CNTNAP2: variants seen among roughly 807,000 people sequenced by gnomAD.
The protein encoded by CNTNAP2 is contactin-associated protein-like 2.
Under a neutral mutation model 155.2 loss-of-function variants are expected in CNTNAP2, and 98 were observed. The ratio of observed to expected loss-of-function variants is 0.63; its 90% CI spans 0.54 to 0.75. CNTNAP2 has a LOEUF of 0.75. CNTNAP2 is among the 30% of genes least tolerant of loss of function. CNTNAP2 has a pLI of 0.00. For synonymous variants in CNTNAP2, 651 were observed against 631.2 expected, an observed-to-expected ratio of 1.03 and a Z score of -0.47; for missense variants, 1,727 against 1,688.1, an observed-to-expected ratio of 1.02 and a Z score of -0.40.
At chr7:148,090,521 T>A (rs1803817644) in intron 15 of CNTNAP2, among the ~76,000 whole-genome samples, 1 of 152,020 alleles carries the variant, frequency 6.6e-6, no homozygotes, top group Non-Finnish European at 1.5e-5. Flanking sequence ...ATATCACTAA[T>A]CAGGGAAATG....
chr7:146,614,351 AAACT>A (rs1799188688), intron 1 of CNTNAP2, among the ~76,000 whole-genome samples: 1 of 152,248 alleles, frequency 6.6e-6, no homozygotes, highest in Non-Finnish European at 1.5e-5. Context: ...AAATGTTAGT[AAACT>A]ATCAATTATA....
intron 1 of CNTNAP2, among the ~76,000 whole-genome samples, chr7:146,671,455 A>G (rs918408964): frequency 1.3e-5 from 2 of 149,518 alleles, no homozygotes; most frequent in South Asian, 4.3e-4. Context: ...ACACACACGG[A>G]CACACATATA....
At chr7:148,116,062 C>G (rs1489464241) in intron 15 of CNTNAP2, among the ~76,000 whole-genome samples, 1 of 151,588 alleles carries the variant, frequency 6.6e-6, no homozygotes, top group Non-Finnish European at 1.5e-5. Flanking sequence ...TCGCTTGCAC[C>G]TGGGAGGGGG....
At chr7:147,947,690 G>C (rs1180103090) in intron 14 of CNTNAP2, among the ~76,000 whole-genome samples, 1 of 152,008 alleles carries the variant, frequency 6.6e-6, no homozygotes, top group Admixed American at 6.6e-5. Context: ...GGAAAGAAAA[G>C]AGATCAGAGT....
chr7:146,288,793 A>ATT (rs757136036), intron 1 of CNTNAP2, among the ~76,000 whole-genome samples: 3,018 of 100,044 alleles, frequency 0.03, 436 homozygotes, highest in African/African-American at 0.11. Flanking sequence ...AAAATTAGTA[A>ATT]TTTTTTTTTT....
chr7:148,144,470 T>C (rs1377666839), intron 16 of CNTNAP2, among the ~76,000 whole-genome samples: 1 of 152,146 alleles, frequency 6.6e-6, no homozygotes, highest in Non-Finnish European at 1.5e-5. Flanking sequence ...GTGTTGTGAG[T>C]AAAGAAGTCC....
In CNTNAP2 at chr7:147,118,026, C is replaced by T. The variant is rs540577007; in HGVS notation, c.755-2953C>T. On this transcript the variant is annotated intron_variant, in intron 5 of 23. Transcript: ENST00000361727. The stretch of plus-strand genomic sequence containing the variant: ...TATAAATCATGAATAAGAAATTATA[C>T]CACTGCATAATAATACCAAGACATT... 3.3e-5 allele frequency among the ~76,000 whole-genome samples: 5 copies of T among 152,058 alleles called. No homozygotes were observed. The South Asian group carries it at 1.0e-3, about 32-fold the overall frequency.
At chr7:147,339,161 A>G (rs1439686093) in intron 9 of CNTNAP2, among the ~76,000 whole-genome samples, 1 of 151,344 alleles carries the variant, frequency 6.6e-6, no homozygotes, top group Non-Finnish European at 1.5e-5. Flanking sequence ...AACAATAACT[A>G]TTGCTATTGC....
At chr7:148,370,230 T>G (rs1730392) in intron 21 of CNTNAP2, among the ~76,000 whole-genome samples, 50,196 of 151,984 alleles carry the variant, frequency 0.33, 8,730 homozygotes, top group Non-Finnish European at 0.39. Flanking sequence ...GACATAAAGA[T>G]GCCCATTTCC....
chr7:148,226,709 T>C (rs1018303470), intron 19 of CNTNAP2, among the ~76,000 whole-genome samples: 2 of 152,192 alleles, frequency 1.3e-5, no homozygotes, highest in African/African-American at 4.8e-5. Flanking sequence ...TCCCACGTGC[T>C]CGCAGGCCAC....
At chr7:146,195,219 A>G (rs2116858093) in intron 1 of CNTNAP2, 1 of 152,350 alleles carries the variant, frequency 6.6e-6, no homozygotes, top group South Asian at 2.1e-4. Context: ...ATGCATTTTT[A>G]AGAATGGCTT....
intron 1 of CNTNAP2, among the ~76,000 whole-genome samples, chr7:146,214,681 A>G (rs1219330436): frequency 6.6e-6 from 1 of 152,186 alleles, no homozygotes; most frequent in Non-Finnish European, 1.5e-5. Flanking sequence ...TCTTCAATCT[A>G]TAATGGTTTA....
At chr7:146,672,712 A>T (rs1453566636) in intron 1 of CNTNAP2, among the ~76,000 whole-genome samples, 1 of 152,242 alleles carries the variant, frequency 6.6e-6, no homozygotes, top group African/African-American at 2.4e-5. Context: ...AAATAGGTAC[A>T]ATGCACTGTA....
chr7:148,015,387 C>T (rs1001221812), intron 15 of CNTNAP2, among the ~76,000 whole-genome samples: 2 of 152,160 alleles, frequency 1.3e-5, no homozygotes, highest in African/African-American at 4.8e-5. Flanking sequence ...AAGCAACTCT[C>T]CTGCAGTGAA....
At chr7:148,017,096 A>G (rs1451458148) in intron 15 of CNTNAP2, among the ~76,000 whole-genome samples, 1 of 152,234 alleles carries the variant, frequency 6.6e-6, no homozygotes. Context: ...AAATTACACC[A>G]ACTGCATTAG....
At chr7:147,172,389 A>T (rs180684547) in intron 8 of CNTNAP2, among the ~76,000 whole-genome samples, 23 of 152,308 alleles carry the variant, frequency 1.5e-4, no homozygotes, top group African/African-American at 5.5e-4. Flanking sequence ...ATTATGGAAT[A>T]ATGCATTATG....
At position 148,180,935 on chromosome 7, in the gene CNTNAP2, G is replaced by A. The variant is rs148350928; in HGVS notation, c.3010+8457G>A. Reference sequence around the variant, plus strand: ...GAAGAGCTACCCTCAATGTGGGAAGGCATTATCCTGTCTGCTAGGGGCTGC... The same window carrying A: ...GAAGAGCTACCCTCAATGTGGGAAGACATTATCCTGTCTGCTAGGGGCTGC... On this transcript the variant is annotated intron_variant, in intron 18 of 23. Coordinates refer to ENST00000361727, the MANE Select transcript of CNTNAP2 (RefSeq NM_014141.6). 2.0e-5 allele frequency among the ~76,000 whole-genome samples: 3 copies of A among 152,306 alleles called. No homozygotes were observed. In the East Asian group the frequency reaches 5.8e-4, roughly 29 times the overall value.
chr7:146,190,194 C>A (rs1487912608), intron 1 of CNTNAP2, among the ~76,000 whole-genome samples: 1 of 152,202 alleles, frequency 6.6e-6, no homozygotes, highest in East Asian at 1.9e-4. Context: ...ACATTCATTT[C>A]TACTGCCTTT....
chr7:146,662,673 T>C (rs1800112919), intron 1 of CNTNAP2, among the ~76,000 whole-genome samples: 1 of 79,878 alleles, frequency 1.3e-5, no homozygotes, highest in South Asian at 9.9e-4. Flanking sequence ...ATAAAATATC[T>C]TTGTGTAAAA....
Sources: allele counts gnomAD v4.1 joint callset (sites outside exome capture counted in the v4.1 genomes callset), GRCh38; gene constraint gnomAD v4.1.1; transcripts MANE v1.5; gene names NCBI Gene and HGNC (gene_info 2026-07-23, HGNC 2026-07-21).